Variants in NAALADL1 observed in about 807,000 individuals in gnomAD.
NAALADL1 encodes the protein aminopeptidase NAALADL1.
A neutral mutation model predicts 82.8 loss-of-function variants in NAALADL1; 77 were observed. The observed-to-expected ratio is 0.93, with a 90% confidence interval of 0.77 to 1.12. The LOEUF (loss-of-function observed/expected upper bound fraction) is 1.12. Among genes scored for constraint, NAALADL1 ranks in the 50% most tolerant of loss-of-function variants. The pLI is 0.00. For missense variants in NAALADL1, 956 were observed against 964.0 expected, an observed-to-expected ratio of 0.99 and a Z score of 0.11; for synonymous variants, 358 against 399.2, an observed-to-expected ratio of 0.90 and a Z score of 1.23.
chr11:65,058,116 G>A lies in NAALADL1; in HGVS notation c.320C>T (p.Ser107Phe). The A allele has an allele frequency of 6.2e-7, 1 of 1,613,166 alleles. No homozygotes were observed. The highest frequency in any genetic ancestry group is 1.1e-5 in the South Asian group (1 of 91,002). Residue 107 changes from serine to phenylalanine, a missense_variant, in exon 2 of 18, where the codon TCC (serine) becomes TTC (phenylalanine). By Grantham distance (155) the Ser-to-Phe change is radical. Transcript: ENST00000358658. ...GTTGGGCTGCTCCTGGCTAGGGAAGGACAGCAGCACTTCGTACGTGGAGGC... is the reference window on the plus strand; with the variant it reads ...GTTGGGCTGCTCCTGGCTAGGGAAGAACAGCAGCACTTCGTACGTGGAGGC... ...AEASTYEVLL[S>F]FPSQEQPNVV...
chr11:65,052,101 A>G (rs550605219), intron 8 of NAALADL1, among the ~76,000 whole-genome samples: 76 of 152,228 alleles, frequency 5.0e-4, no homozygotes, highest in African/African-American at 1.8e-3. Flanking sequence ...TCCTAGATCC[A>G]CCCAGTTATT....
In NAALADL1 at chr11:65,046,489, G is replaced by A. The variant is rs769296013; in HGVS notation, c.1637C>T (p.Thr546Ile). ...CACATAGTCAAAGGTGTCAAAGGCTGTGTGGTAGGTGGGGTAGATCCTGGC... is the reference window on the plus strand; with the variant it reads ...CACATAGTCAAAGGTGTCAAAGGCTATGTGGTAGGTGGGGTAGATCCTGGC... ...TSARIYPTYH[T>I]AFDTFDYVDK... is the part of the protein sequence containing the mutation. The change falls in exon 14 of 18, where the codon ACA becomes ATA. Residue 546 changes from threonine (T) to isoleucine (I), a missense_variant. Coordinates refer to ENST00000358658, the MANE Select transcript of NAALADL1 (RefSeq NM_005468.3). 6.2e-7 allele frequency: 1 copy of A among 1,614,224 alleles called. No individual in the cohort carries two copies. The highest frequency in any genetic ancestry group is 1.7e-5 in the Admixed American group (1 of 60,014).
intron 4 of NAALADL1, among the ~76,000 whole-genome samples, chr11:65,056,329 G>A (rs1232822021): frequency 2.0e-5 from 3 of 151,934 alleles, no homozygotes; most frequent in South Asian, 2.1e-4. Flanking sequence ...TCCGAAACTC[G>A]GTCCCCATTA....
chr11:65,058,376 A>G lies in NAALADL1; in HGVS notation c.146T>C (p.Met49Thr), dbSNP rs760168319. 3 of 1,614,134 alleles carry G rather than the reference A, an allele frequency of 1.9e-6. No individual in the cohort carries two copies. The highest frequency in any genetic ancestry group is 2.5e-6 in the Non-Finnish European group (3 of 1,179,980). Residue 49 changes from methionine (M) to threonine (T), a missense_variant, in exon 1 of 18, where the codon ATG (methionine) becomes ACG (threonine). Transcript: ENST00000358658. ...GATCCTGTGGGCATCCAGCTGCCCC[A>G]TGACGGTCTCCAGGATCTCCAGGTC... ...DLDLEILETV[M>T]GQLDAHRIRE...
Position 65,053,434 on chromosome 11 carries a change from A to G in NAALADL1, c.1078+57T>C. ...GGCAAGGGCAGGGCTGGATGAGGAC[A>G]GCGGCATCCAGAGCAGAGCAGGGGC... is the stretch of plus-strand genomic sequence containing the variant. On this transcript the variant is annotated intron_variant, in intron 7 of 17. Transcript: ENST00000358658. This position sits in a 1 kb window ranked among gnomAD's most constrained non-coding sequence, Gnocchi z 4.3. 1 of 1,611,280 alleles carries G rather than the reference A, an allele frequency of 6.2e-7. No homozygotes were observed. The highest frequency in any genetic ancestry group is 8.5e-7 in the Non-Finnish European group (1 of 1,177,836).
chr11:65,046,336 G>C lies in NAALADL1; in HGVS notation c.1708C>G (p.Arg570Gly), dbSNP rs377372068. 3 of 1,614,194 alleles carry C rather than the reference G, an allele frequency of 1.9e-6. No homozygotes were observed. Among genetic ancestry groups the C allele is most frequent in the Non-Finnish European group, 2.5e-6 (3 of 1,180,038 alleles). Residue 570 changes from arginine to glycine, a missense_variant, in exon 15 of 18, where the codon CGG (arginine) becomes GGG (glycine). Physicochemically the swap from Arg to Gly is moderately radical, Grantham distance 125 (BLOSUM62 -2). Coordinates refer to ENST00000358658, the MANE Select transcript of NAALADL1 (RefSeq NM_005468.3). Reference sequence around the variant, plus strand: ...CGGAGAATCACACTCCCCGCTGTCCGGGCCACAGCCTGATGGCTGCTGAAG... The same window carrying C: ...CGGAGAATCACACTCCCCGCTGTCCCGGCCACAGCCTGATGGCTGCTGAAG... ...PGFSSHQAVA[R>G]TAGSVILRLS...
At position 65,058,213 on chromosome 11, in the gene NAALADL1, G is replaced by A. The variant is rs569719752; in HGVS notation, c.223C>T (p.Arg75Trp). The A allele has an allele frequency of 4.3e-5, 70 of 1,613,632 alleles. No homozygotes were observed. Among genetic ancestry groups the A allele is most frequent in the Admixed American group, 4.2e-4 (25 of 59,984 alleles). ...SREPHLASSP[R>W]DEDLVQLLLQ... The stretch of plus-strand genomic sequence containing the variant: ...AGCAGCTGCACCAGGTCCTCATCCC[G>A]AGGGCTGGAGGCCAGGTGTGGCTCC... Residue 75 changes from arginine (R) to tryptophan (W), a missense_variant, in exon 2 of 18, where the codon CGG becomes TGG. By Grantham distance (101) the Arg-to-Trp change is moderately radical. Transcript: ENST00000358658.
chr11:65,060,258 G>C (rs1947162151), upstream of NAALADL1, among the ~76,000 whole-genome samples: 2 of 152,086 alleles, frequency 1.3e-5, no homozygotes, highest in African/African-American at 4.8e-5. Flanking sequence ...CTGGTGAGGA[G>C]GTTCAGCATG....
rs1187584816 is a variant in NAALADL1 at position 65,054,271 on chromosome 11, T to C, written c.971A>G (p.Asp324Gly). ...HYRLGPGFRP[D>G]GDFPADSQVN... The stretch of plus-strand genomic sequence containing the variant: ...TCACCTGTCTGCTGGGAAGTCTCCG[T>C]CAGGCCGGAAGCCGGGACCCAACCT... The change falls in exon 6 of 18, where the codon GAC (aspartate) becomes GGC (glycine). Residue 324 changes from aspartate (D) to glycine (G), a missense_variant. Asp to Gly is a moderately conservative substitution (Grantham distance 94). Transcript: ENST00000358658. The surrounding 1 kb of genome is among the most constrained non-coding windows in gnomAD (Gnocchi z 4.3). 6.2e-7 allele frequency: 1 copy of C among 1,613,934 alleles called. No homozygotes were observed. Among genetic ancestry groups the C allele is most frequent in the Non-Finnish European group, 8.5e-7 (1 of 1,179,988 alleles).
upstream of NAALADL1, among the ~76,000 whole-genome samples, chr11:65,060,678 A>T (rs1297484566): frequency 6.6e-6 from 1 of 152,110 alleles, no homozygotes; most frequent in East Asian, 1.9e-4. Flanking sequence ...CAAGAGATCC[A>T]CTCAGGCTGT....
chr11:65,059,365 T>A (rs1026412395), upstream of NAALADL1, among the ~76,000 whole-genome samples: 5 of 152,194 alleles, frequency 3.3e-5, no homozygotes, highest in Non-Finnish European at 5.9e-5. Context: ...TAGTGCAGTG[T>A]CTGACATGTA....
chr11:65,054,628 G>T lies in NAALADL1; in HGVS notation c.714C>A (p.Tyr238Ter). The change falls in exon 5 of 18, where the codon TAC becomes TAA. Residue 238 changes from tyrosine (Y) to a stop codon, truncating the protein, a stop_gained. Coordinates refer to ENST00000358658, the MANE Select transcript of NAALADL1 (RefSeq NM_005468.3). LOFTEE classifies it high-confidence loss of function. This position sits in a 1 kb window ranked among gnomAD's most constrained non-coding sequence, Gnocchi z 4.3. ...CTCGCTCCACTCCTGAGGGGGGCAGGTACCAGGAGTTGGGAAAGGTTTCGT... is the reference window on the plus strand; with the variant it reads ...CTCGCTCCACTCCTGAGGGGGGCAGTTACCAGGAGTTGGGAAAGGTTTCGT... ...SPDETFPNSW[Y>*]LPPSGVERGS... 5 of 1,614,068 alleles carry T rather than the reference G, an allele frequency of 3.1e-6. No individual in the cohort carries two copies. The highest frequency in any genetic ancestry group is 4.2e-6 in the Non-Finnish European group (5 of 1,179,976).
chr11:65,051,334 T>C (rs1428820485), intron 8 of NAALADL1, among the ~76,000 whole-genome samples: 70 of 117,668 alleles, frequency 5.9e-4, no homozygotes, highest in Non-Finnish European at 1.0e-3. Context: ...TTTTTTTTTT[T>C]TTTTTTTTTT....
chr11:65,051,877 T>A (rs1389456086), intron 8 of NAALADL1, among the ~76,000 whole-genome samples: 2 of 152,234 alleles, frequency 1.3e-5, no homozygotes, highest in East Asian at 3.9e-4. Context: ...GTAAAACTGG[T>A]CAATTTTGTT....
Position 65,045,248 on chromosome 11 carries a change from G to A in NAALADL1, c.*23C>T, listed in dbSNP as rs1323170200. 10 of 1,600,548 alleles carry A rather than the reference G, an allele frequency of 6.2e-6. No individual in the cohort carries two copies. Among genetic ancestry groups the A allele is most frequent in the South Asian group, 4.5e-5 (4 of 89,358 alleles). ...GCAGGAGAGGGTTGGAGTAAAGGGA[G>A]GGCTGAAGAAAGAGGGCTGGGGTCA... On this transcript the variant is annotated 3_prime_UTR_variant, in exon 18 of 18. Coordinates refer to ENST00000358658, the MANE Select transcript of NAALADL1 (RefSeq NM_005468.3).
In NAALADL1 at chr11:65,053,085, G is replaced by A. The variant is rs1946931828; in HGVS notation, c.1198+133C>T. The A allele has an allele frequency of 1.7e-6, 2 of 1,161,728 alleles. No individual in the cohort carries two copies. Among genetic ancestry groups the A allele is most frequent in the Admixed American group, 5.7e-5 (2 of 35,030 alleles). 72.0% of individuals were successfully genotyped at this position (1,161,728 alleles called of 1,614,324 possible). A position where few individuals can be genotyped will look rare whatever the true frequency, so the allele number is the denominator to read the frequency against. ...ACTGGGCTGCTGCAGGCCAAGGCTG[G>A]TGTCATGCATGTCTGCCCCCAGGGC... On this transcript the variant is annotated intron_variant, in intron 8 of 17. Coordinates refer to ENST00000358658, the MANE Select transcript of NAALADL1 (RefSeq NM_005468.3). This position sits in a 1 kb window ranked among gnomAD's most constrained non-coding sequence, Gnocchi z 4.3.
At position 65,054,293 on chromosome 11, in the gene NAALADL1, A is replaced by G. The variant is rs762660778; in HGVS notation, c.949T>C (p.Leu317=). Residue 317 remains leucine, a synonymous_variant, in exon 6 of 18, where the codon TTG becomes CTG. Coordinates refer to ENST00000358658, the MANE Select transcript of NAALADL1 (RefSeq NM_005468.3). The surrounding 1 kb of genome is among the most constrained non-coding windows in gnomAD (Gnocchi z 4.3). Reference sequence around the variant, plus strand: ...CCGTCAGGCCGGAAGCCGGGACCCAACCTGTAGTGGCAGCCCAGTGCTCCC... The same window carrying G: ...CCGTCAGGCCGGAAGCCGGGACCCAGCCTGTAGTGGCAGCCCAGTGCTCCC... ...WQGALGCHYR[L]GPGFRPDGDF... is the part of the protein sequence containing the mutation. 1.2e-6 allele frequency: 2 copies of G among 1,614,086 alleles called. No individual in the cohort carries two copies. The highest frequency in any genetic ancestry group is 1.3e-5 in the African/African-American group (1 of 74,996).
intron 11 of NAALADL1, 71 bp downstream of exon 11, chr11:65,047,910 C>CCCCCT: frequency 5.2e-6 from 7 of 1,358,282 alleles, no homozygotes; most frequent in African/African-American, 1.5e-5. Context: ...CCCGCCCACC[C>CCCCCT]GTAGCGGCCC....
Position 65,044,859 on chromosome 11 carries a change from C to A in NAALADL1, c.*412G>T. 2.9e-6 allele frequency: 3 copies of A among 1,029,106 alleles called. No homozygotes were observed. The highest frequency in any genetic ancestry group is 1.7e-5 in the South Asian group (1 of 59,614). The allele number at this position is 1,029,106 out of a possible 1,614,324, so 63.7% of individuals were successfully genotyped here. A position where few individuals can be genotyped will look rare whatever the true frequency, so the allele number is the denominator to read the frequency against. The stretch of plus-strand genomic sequence containing the variant: ...CACTAGATGTGATTTATTTGAGGGG[C>A]TGTTGTAGGGAGTTAGGATACACAG... On this transcript the variant is annotated 3_prime_UTR_variant, in exon 18 of 18. Coordinates refer to ENST00000358658, the MANE Select transcript of NAALADL1 (RefSeq NM_005468.3). The surrounding 1 kb of genome is among the most constrained non-coding windows in gnomAD (Gnocchi z 4.0).
Sources: allele counts gnomAD v4.1 joint callset (sites outside exome capture counted in the v4.1 genomes callset), GRCh38; gene constraint gnomAD v4.1.1; non-coding constraint Gnocchi (gnomAD v3.1); transcripts MANE v1.5; gene names NCBI Gene and HGNC (gene_info 2026-07-23, HGNC 2026-07-21).